The following GRIK1 variants were observed in gnomAD, a reference collection of about 807,000 sequenced individuals.
GRIK1 encodes the protein glutamate ionotropic receptor kainate type subunit 1, also known as glutamate receptor ionotropic, kainate 1.
Under a neutral mutation model 105.7 loss-of-function variants are expected in GRIK1, and 69 were observed. The ratio of observed to expected loss-of-function variants is 0.65; its 90% CI spans 0.54 to 0.80. GRIK1 has a LOEUF of 0.80. Among genes scored for constraint, GRIK1 ranks in the 30% least tolerant of loss-of-function variants. The pLI, the probability that GRIK1 is intolerant of heterozygous loss-of-function variation, is 0.00. For synonymous variants in GRIK1, 438 were observed against 431.3 expected (o/e 1.02, Z -0.19); for missense variants, 1,109 against 1,167.3 (o/e 0.95, Z 0.73).
chr21:29,758,319 C>T (rs1265168768), intron 1 of GRIK1, among the ~76,000 whole-genome samples: 1 of 152,186 alleles, frequency 6.6e-6, no homozygotes, highest in Non-Finnish European at 1.5e-5. Flanking sequence ...CTCACAGTTC[C>T]ACATGGATGG....
At chr21:29,596,031 G>C (rs1292131885) in intron 9 of GRIK1, 2 of 255,786 alleles carry the variant, frequency 7.8e-6, no homozygotes, top group Non-Finnish European at 7.6e-6. Context: ...ACAAAAGATA[G>C]CTCATGAGAA....
At chr21:29,898,964 C>T (rs528277552) in intron 1 of GRIK1, among the ~76,000 whole-genome samples, 65 of 145,046 alleles carry the variant, frequency 4.5e-4, no homozygotes, top group Non-Finnish European at 8.5e-4. Context: ...AAGAGTGAAA[C>T]TCCGTCTCAA....
chr21:29,595,340 G>GTTTTTTTTTTTTTTTTTTTTTTTTTTTTT (rs71191119), intron 9 of GRIK1, among the ~76,000 whole-genome samples: 2 of 136,976 alleles, frequency 1.5e-5, no homozygotes, highest in Non-Finnish European at 3.1e-5. Context: ...AGTGTAATAG[G>GTTTTTTTTTTTTTTTTTTTTTTTTTTTTT]TTTTTTTTTT....
chr21:29,716,416 G>A (rs2064178621), intron 1 of GRIK1, among the ~76,000 whole-genome samples: 1 of 152,132 alleles, frequency 6.6e-6, no homozygotes, highest in African/African-American at 2.4e-5. Context: ...AAACTTCCTA[G>A]AGACTTAGAG....
intron 11 of GRIK1, among the ~76,000 whole-genome samples, chr21:29,588,569 A>C (rs1294902740): frequency 6.6e-6 from 1 of 152,208 alleles, no homozygotes; most frequent in East Asian, 1.9e-4. Context: ...GAACTGTGTC[A>C]ATTAAATCTC....
chr21:29,577,028 A>G lies in GRIK1; in HGVS notation c.2066T>C (p.Leu689Pro), dbSNP rs529487531. The change falls in exon 14 of 18, where the codon CTG becomes CCG. Residue 689 changes from leucine to proline, a missense_variant. Coordinates refer to ENST00000327783, the MANE Select transcript of GRIK1 (RefSeq NM_001330994.2). ...MESPIDSADD[L>P]AKQTKIEYGA... ...ATATTCTATCTTGGTTTGCTTTGCC[A>G]GATCATCTGCCGAATCTATGGGGGA... 13 of 1,613,854 alleles carry G rather than the reference A, an allele frequency of 8.1e-6. No individual in the cohort carries two copies. Among genetic ancestry groups the G allele is most frequent in the Non-Finnish European group, 1.1e-5 (13 of 1,179,788 alleles).
intron 1 of GRIK1, among the ~76,000 whole-genome samples, chr21:29,703,708 A>G (rs1273604913): frequency 6.6e-6 from 1 of 152,212 alleles, no homozygotes; most frequent in African/African-American, 2.4e-5. Flanking sequence ...GACAGAAGAG[A>G]TTGGATTTTT....
intron 2 of GRIK1, among the ~76,000 whole-genome samples, chr21:29,693,536 A>G (rs1256502160): frequency 6.6e-6 from 1 of 152,196 alleles, no homozygotes. Context: ...CCACATGCTC[A>G]GTGGATTGAC....
At chr21:29,795,245 AG>A (rs1376313950) in intron 1 of GRIK1, among the ~76,000 whole-genome samples, 3 of 151,982 alleles carry the variant, frequency 2.0e-5, no homozygotes, top group African/African-American at 7.3e-5. Context: ...CATGTTGGCC[AG>A]GCTGGTCTTG....
intron 7 of GRIK1, among the ~76,000 whole-genome samples, chr21:29,625,802 T>C (rs1268791850): frequency 6.6e-6 from 1 of 152,160 alleles, no homozygotes; most frequent in Non-Finnish European, 1.5e-5. Flanking sequence ...TGCTCAATAT[T>C]GATTGCAAAG....
chr21:29,589,316 T>A (rs2061296145), intron 10 of GRIK1, among the ~76,000 whole-genome samples: 1 of 152,098 alleles, frequency 6.6e-6, no homozygotes, highest in Non-Finnish European at 1.5e-5. Context: ...ACAGTCACTG[T>A]TAAATGTTGG....
intron 1 of GRIK1, among the ~76,000 whole-genome samples, chr21:29,904,345 A>C (rs902251549): frequency 5.9e-5 from 9 of 152,054 alleles, no homozygotes; most frequent in Non-Finnish European, 1.5e-5. Context: ...AAATAACCTA[A>C]ATTTGTTTTT....
chr21:29,844,074 A>G (rs970788821), intron 1 of GRIK1, among the ~76,000 whole-genome samples: 1 of 152,124 alleles, frequency 6.6e-6, no homozygotes, highest in African/African-American at 2.4e-5. Context: ...GAAAGGCACA[A>G]TGTCTCCAGA....
rs560807752 is a variant in GRIK1, at chr21:29,728,539, G to A, written c.119-34476C>T. 3.3e-5 allele frequency among the ~76,000 whole-genome samples: 5 copies of A among 152,256 alleles called. No homozygotes were observed. In the East Asian group the frequency reaches 5.8e-4, roughly 18 times the overall value. On this transcript the variant is annotated intron_variant, in intron 1 of 17. Coordinates refer to ENST00000327783, the MANE Select transcript of GRIK1 (RefSeq NM_001330994.2). ...TGAGGATGTGAGAGTTAGCACTGTC[G>A]ATCATATTTCACTGCTATAAATCAT...
At chr21:29,673,898 G>T (rs949354643) in intron 3 of GRIK1, among the ~76,000 whole-genome samples, 1 of 152,118 alleles carries the variant, frequency 6.6e-6, no homozygotes, top group Non-Finnish European at 1.5e-5. Flanking sequence ...TTTACCACAG[G>T]TGTGGATGTA....
intron 1 of GRIK1, among the ~76,000 whole-genome samples, chr21:29,712,085 C>T (rs55701280): frequency 0.047 from 4,807 of 101,652 alleles, 209 homozygotes; most frequent in African/African-American, 0.22. Context: ...TACATACATA[C>T]ACACACACAC....
chr21:29,649,814 AACAC>A (rs2062695731), intron 6 of GRIK1, among the ~76,000 whole-genome samples: 2 of 152,224 alleles, frequency 1.3e-5, no homozygotes, highest in African/African-American at 4.8e-5. Context: ...GTATATACCA[AACAC>A]AGGTAAAAAT....
intron 1 of GRIK1, among the ~76,000 whole-genome samples, chr21:29,802,688 A>G (rs2066745012): frequency 6.6e-6 from 1 of 152,142 alleles, no homozygotes; most frequent in Non-Finnish European, 1.5e-5. Flanking sequence ...GTCTATACCA[A>G]TCATAAAAAC....
At chr21:29,653,742 C>A (rs1427981681) in intron 5 of GRIK1, among the ~76,000 whole-genome samples, 1 of 152,216 alleles carries the variant, frequency 6.6e-6, no homozygotes, top group African/African-American at 2.4e-5. Flanking sequence ...GAAGACTATG[C>A]AAACCTTAGT....
Sources: gnomAD v4.1 joint callset for allele counts (sites outside exome capture counted in the v4.1 genomes callset) on GRCh38, gnomAD v4.1.1 for gene constraint, MANE v1.5 for transcripts, NCBI Gene and HGNC (gene_info 2026-07-23, HGNC 2026-07-21) for gene names.